MCPH1: variants seen among roughly 807,000 people sequenced by gnomAD.
MCPH1 encodes microcephalin.
MCPH1 carries 104 observed loss-of-function variants against 84.5 expected under a neutral mutation model. That is an observed-to-expected ratio of 1.23 (90% CI 1.05 to 1.45). MCPH1 has a LOEUF of 1.45. Among genes scored for constraint, MCPH1 ranks in the 40% most tolerant of loss-of-function variants. MCPH1 has a pLI of 0.00. For synonymous variants in MCPH1, 514 were observed against 366.8 expected (o/e 1.40, Z -4.58); for missense variants, 1,498 against 1,005.7 (o/e 1.49, Z -6.62).
At chr8:6,570,846 C>G (rs541127251) in intron 12 of MCPH1, among the ~76,000 whole-genome samples, 2 of 143,362 alleles carry the variant, frequency 1.4e-5, no homozygotes, top group Non-Finnish European at 3.0e-5. Context: ...AAGAGATTCC[C>G]GAATCTTTCA....
At chr8:6,639,285 C>A (rs1422363482) in intron 13 of MCPH1, among the ~76,000 whole-genome samples, 1 of 152,170 alleles carries the variant, frequency 6.6e-6, no homozygotes, top group African/African-American at 2.4e-5. Context: ...ACACAGGGTC[C>A]TCCAGTCTTA....
chr8:6,545,446 T>C (rs143931546), intron 12 of MCPH1, among the ~76,000 whole-genome samples: 2 of 152,236 alleles, frequency 1.3e-5, no homozygotes, highest in African/African-American at 4.8e-5. Context: ...ATGGGTGGTT[T>C]TATTTGTCTC....
rs1252970288 is a variant in MCPH1, at chr8:6,406,646, T to C, written c.-22T>C. Reference sequence around the variant, plus strand: ...GCTCGCAAGCACCGCGTAGGCCAGCTGGCCGGATCCCGCCGTCTGTCATGG... The same window carrying C: ...GCTCGCAAGCACCGCGTAGGCCAGCCGGCCGGATCCCGCCGTCTGTCATGG... On this transcript the variant is annotated 5_prime_UTR_variant, in exon 1 of 14. Coordinates refer to ENST00000344683, the MANE Select transcript of MCPH1 (RefSeq NM_024596.5). The C allele has an allele frequency of 6.2e-7, 1 of 1,611,410 alleles. No homozygotes were observed. Among genetic ancestry groups the C allele is most frequent in the South Asian group, 1.1e-5 (1 of 90,766 alleles).
In MCPH1 at chr8:6,643,126, T is replaced by C; in HGVS notation, c.*77T>C. On this transcript the variant is annotated 3_prime_UTR_variant, in exon 14 of 14. Coordinates refer to ENST00000344683, the MANE Select transcript of MCPH1 (RefSeq NM_024596.5). ...TGGATGTTCAAATGAGAAACAAAACTGTGAAGAGAAGGAACTGGCGTATAC... is the reference window on the plus strand; with the variant it reads ...TGGATGTTCAAATGAGAAACAAAACCGTGAAGAGAAGGAACTGGCGTATAC... The C allele has an allele frequency of 1.6e-6, 2 of 1,288,594 alleles. No individual in the cohort carries two copies. The highest frequency in any genetic ancestry group is 2.3e-5 in the East Asian group (1 of 43,322). 79.8% of individuals were successfully genotyped at this position (1,288,594 alleles called of 1,614,324 possible). A position where few individuals can be genotyped will look rare whatever the true frequency, so the allele number is the denominator to read the frequency against.
At chr8:6,418,922 T>C (rs2129552238) in intron 3 of MCPH1, among the ~76,000 whole-genome samples, 1 of 152,276 alleles carries the variant, frequency 6.6e-6, no homozygotes, top group South Asian at 2.1e-4. Context: ...GTAATATGTT[T>C]TGAATTGATC....
intron 12 of MCPH1, among the ~76,000 whole-genome samples, chr8:6,606,441 C>A (rs1304684584): frequency 6.6e-6 from 1 of 152,188 alleles, no homozygotes; most frequent in Non-Finnish European, 1.5e-5. Flanking sequence ...AAAAACCTAA[C>A]CTATATATGG....
At chr8:6,615,781 G>C (rs945452854) in intron 12 of MCPH1, 1 of 152,182 alleles carries the variant, frequency 6.6e-6, no homozygotes, top group Non-Finnish European at 1.5e-5. Flanking sequence ...ATATTTGGGG[G>C]ACAGAGAACA....
intron 12 of MCPH1, among the ~76,000 whole-genome samples, chr8:6,550,045 C>T (rs1823348751): frequency 6.6e-6 from 1 of 152,182 alleles, no homozygotes; most frequent in South Asian, 2.1e-4. Flanking sequence ...GGAAGATGTG[C>T]CTGCTGTCAG....
At position 6,444,752 on chromosome 8, in the gene MCPH1, T is replaced by A; in HGVS notation, c.1030T>A (p.Leu344Met). 3 of 1,614,102 alleles carry A rather than the reference T, an allele frequency of 1.9e-6. No homozygotes were observed. Among genetic ancestry groups the A allele is most frequent in the Non-Finnish European group, 2.5e-6 (3 of 1,179,990 alleles). The change falls in exon 8 of 14, where the codon TTG (leucine) becomes ATG (methionine). Residue 344 changes from leucine (L) to methionine (M), a missense_variant. Coordinates refer to ENST00000344683, the MANE Select transcript of MCPH1 (RefSeq NM_024596.5). ...PTLSSTKGHLLIHSRPRSSSV... is the reference protein window; with the variant it reads ...PTLSSTKGHLMIHSRPRSSSV... The stretch of plus-strand genomic sequence containing the variant: ...CTTATCTTCAACAAAAGGCCACCTT[T>A]TGATACATTCAAGACCCAGGAGTTC...
At chr8:6,510,096 C>G (rs927289249) in intron 12 of MCPH1, among the ~76,000 whole-genome samples, 8 of 151,984 alleles carry the variant, frequency 5.3e-5, no homozygotes, top group African/African-American at 1.9e-4. Context: ...CATCGGTCAT[C>G]TGTGTACCAG....
chr8:6,542,436 C>T (rs1186756445), intron 12 of MCPH1, among the ~76,000 whole-genome samples: 2 of 151,880 alleles, frequency 1.3e-5, no homozygotes, highest in Admixed American at 6.6e-5. Context: ...TGGGCAATGG[C>T]GGGAGGCTTT....
At chr8:6,430,471 G>A (rs1801683731) in intron 3 of MCPH1, among the ~76,000 whole-genome samples, 1 of 152,212 alleles carries the variant, frequency 6.6e-6, no homozygotes, top group African/African-American at 2.4e-5. Flanking sequence ...GGGATGCCAG[G>A]ATGACATTCA....
At chr8:6,416,076 A>G (rs1202058619) in intron 3 of MCPH1, among the ~76,000 whole-genome samples, 1 of 151,970 alleles carries the variant, frequency 6.6e-6, no homozygotes, top group East Asian at 1.9e-4. Flanking sequence ...TGTTTTCTTA[A>G]TTTTTTTAAG....
intron 8 of MCPH1, chr8:6,446,513 C>G (rs2129555917): frequency 2.0e-6 from 2 of 984,406 alleles, no homozygotes; most frequent in South Asian, 4.7e-5. Flanking sequence ...TGTTTTTGGC[C>G]TGCTATTTAT....
intron 3 of MCPH1, among the ~76,000 whole-genome samples, chr8:6,417,191 C>T (rs1419745465): frequency 1.3e-5 from 2 of 151,996 alleles, no homozygotes; most frequent in African/African-American, 2.4e-5. Context: ...CTTTTCTGCC[C>T]CGTTTCCTCC....
At chr8:6,576,492 T>TCCGTTTCCCTTC in intron 12 of MCPH1, among the ~76,000 whole-genome samples, 3 of 36,916 alleles carry the variant, frequency 8.1e-5, no homozygotes, top group East Asian at 1.5e-3. Flanking sequence ...CGTTTCCTTT[T>TCCGTTTCCCTTC]CCCTTTCCCT....
rs192202484 is a variant in MCPH1, at chr8:6,625,875, G to T, written c.2452+4184G>T. ...TTTTGCAGATGTCGTAAACTCACAG[G>T]GGGTGGAGAACCAGGAGTTTTTTAG... On this transcript the variant is annotated intron_variant, in intron 13 of 13. Coordinates refer to ENST00000344683, the MANE Select transcript of MCPH1 (RefSeq NM_024596.5). 131 of 985,372 alleles carry T rather than the reference G, an allele frequency of 1.3e-4. 1 individual carries two copies. In the South Asian group the frequency reaches 2.7e-3, roughly 20 times the overall value. The allele number at this position is 985,372 out of a possible 1,614,324, so 61.0% of individuals were successfully genotyped here. A position where few individuals can be genotyped will look rare whatever the true frequency, so the allele number is the denominator to read the frequency against.
At chr8:6,533,472 G>C (rs917175139) in intron 12 of MCPH1, among the ~76,000 whole-genome samples, 9 of 151,910 alleles carry the variant, frequency 5.9e-5, no homozygotes, top group African/African-American at 1.9e-4. Flanking sequence ...TGTAAAATAG[G>C]GTTTCTGGTT....
Position 6,464,246 on chromosome 8 carries a change from T to A in MCPH1, c.1935+8994T>A, listed in dbSNP as rs181808375. Among the ~76,000 whole-genome samples the A allele has an allele frequency of 2.0e-3, 310 of 152,286 alleles. 3 individuals are homozygous for A. The highest frequency in any genetic ancestry group is 7.2e-3 in the African/African-American group (301 of 41,570). ...TTGATAAATCACTTTTGGCAGAGTG[T>A]ACCCAGAGCTGGCAGTGGCGGGGAT... is the stretch of plus-strand genomic sequence containing the variant. On this transcript the variant is annotated intron_variant, in intron 9 of 13. Transcript: ENST00000344683.
Sources: gnomAD v4.1 joint callset for allele counts (sites outside exome capture counted in the v4.1 genomes callset) on GRCh38, gnomAD v4.1.1 for gene constraint, MANE v1.5 for transcripts, NCBI Gene and HGNC (gene_info 2026-07-23, HGNC 2026-07-21) for gene names.